Variants in CTNNA2 observed in about 807,000 individuals in gnomAD.
The protein encoded by CTNNA2 is catenin alpha-2.
CTNNA2 carries 42 observed loss-of-function variants against 101.0 expected under a neutral mutation model. The observed-to-expected ratio is 0.42, with a 90% CI of 0.32 to 0.54. CTNNA2 has a LOEUF of 0.54. CTNNA2 is among the 20% of genes least tolerant of loss of function. The pLI is 0.14. For synonymous variants in CTNNA2, 450 were observed against 456.4 expected (o/e 0.99, Z 0.18); for missense variants, 871 against 1,223.1 (o/e 0.71, Z 4.29).
chr2:79,773,405 T>G (rs1673731702), intron 3 of CTNNA2, among the ~76,000 whole-genome samples: 2 of 152,122 alleles, frequency 1.3e-5, no homozygotes, highest in Admixed American at 6.5e-5. Flanking sequence ...ACCTGAGACA[T>G]CAATCAATAT....
intron 9 of CTNNA2, among the ~76,000 whole-genome samples, chr2:80,451,329 T>C (rs1055548448): frequency 6.6e-6 from 1 of 152,114 alleles, no homozygotes; most frequent in East Asian, 1.9e-4. Flanking sequence ...TATAAGGAGC[T>C]TTTCCCCCTT....
At chr2:80,173,126 A>C (rs930740851) in intron 7 of CTNNA2, among the ~76,000 whole-genome samples, 7 of 152,236 alleles carry the variant, frequency 4.6e-5, no homozygotes, top group African/African-American at 1.7e-4. Context: ...TCTTCAAAAA[A>C]TAATGTGCCA....
chr2:80,349,845 C>G (rs545567046), intron 7 of CTNNA2, among the ~76,000 whole-genome samples: 1 of 152,176 alleles, frequency 6.6e-6, no homozygotes, highest in South Asian at 2.1e-4. Flanking sequence ...CTTCTCCCAT[C>G]TTTTCACCTT....
At chr2:80,488,215 A>G (rs1208203719) in intron 9 of CTNNA2, among the ~76,000 whole-genome samples, 1 of 152,228 alleles carries the variant, frequency 6.6e-6, no homozygotes, top group Non-Finnish European at 1.5e-5. Flanking sequence ...GATACAGCGC[A>G]GGATTATAAA....
chr2:79,206,173 G>T (rs1295814992), intron 2 of CTNNA2, among the ~76,000 whole-genome samples: 1 of 151,838 alleles, frequency 6.6e-6, no homozygotes, highest in Non-Finnish European at 1.5e-5. Context: ...TTAAGAATTG[G>T]ATTCCTCACC....
intron 1 of CTNNA2, among the ~76,000 whole-genome samples, chr2:79,635,820 A>G (rs1381217233): frequency 2.0e-5 from 3 of 151,710 alleles, no homozygotes; most frequent in African/African-American, 4.8e-5. Flanking sequence ...TAATAGTTCT[A>G]TTCATTGACA....
intron 7 of CTNNA2, among the ~76,000 whole-genome samples, chr2:80,392,848 A>T (rs898664681): frequency 1.3e-5 from 2 of 152,214 alleles, no homozygotes; most frequent in Non-Finnish European, 2.9e-5. Context: ...TTCTATTCAG[A>T]AATGTGCCTA....
At chr2:80,137,775 A>G (rs1702776902) in intron 7 of CTNNA2, among the ~76,000 whole-genome samples, 1 of 151,590 alleles carries the variant, frequency 6.6e-6, no homozygotes, top group Admixed American at 6.6e-5. Flanking sequence ...CAGATAAACT[A>G]GGGCATTTCT....
chr2:80,610,538 G>A (rs1249624996), intron 17 of CTNNA2, among the ~76,000 whole-genome samples: 1 of 151,516 alleles, frequency 6.6e-6, no homozygotes, highest in Non-Finnish European at 1.5e-5. Context: ...TTATACACAT[G>A]GGATTCAAAG....
chr2:80,526,595 A>C (rs1443919413), intron 9 of CTNNA2, among the ~76,000 whole-genome samples: 2 of 152,122 alleles, frequency 1.3e-5, no homozygotes, highest in Admixed American at 1.3e-4. Context: ...AGCCTCCCAA[A>C]GTGCTGGGAT....
At chr2:79,344,475 A>T (rs11886884) in intron 3 of CTNNA2, among the ~76,000 whole-genome samples, 1 of 151,990 alleles carries the variant, frequency 6.6e-6, no homozygotes, top group African/African-American at 2.4e-5. Flanking sequence ...AAAGTTTCAC[A>T]TAATAGGTCT....
intron 7 of CTNNA2, among the ~76,000 whole-genome samples, chr2:80,135,427 T>G (rs1349863184): frequency 6.6e-6 from 1 of 152,164 alleles, no homozygotes; most frequent in East Asian, 1.9e-4. Flanking sequence ...AGTTTTGAGG[T>G]GGGTAGACCA....
In CTNNA2 at chr2:80,085,966, A is replaced by C. The variant is rs1699416123; in HGVS notation, c.1056+176169A>C. 3.3e-5 allele frequency among the ~76,000 whole-genome samples: 5 copies of C among 152,096 alleles called. No individual in the cohort carries two copies. In the South Asian group the frequency reaches 1.0e-3, roughly 31 times the overall value. On this transcript the variant is annotated intron_variant, in intron 7 of 18. Transcript: ENST00000402739. ...TATGCCTACGGTTAAACTTAGCAAG[A>C]AAGTATAGCTCTGTATTTAGATGTT... is the stretch of plus-strand genomic sequence containing the variant.
At position 79,869,854 on chromosome 2, in the gene CTNNA2, T is replaced by G; in HGVS notation, c.504T>G (p.Asn168Lys). ...EALEAVKNAT[N>K]EQDLANRFKE... ...TGGAAGCTGTCAAAAATGCTACAAA[T>G]GAGCAAGACCTTGCAAACCGTTTTA... Residue 168 changes from asparagine to lysine, a missense_variant, in exon 5 of 19, where the codon AAT becomes AAG. Physicochemically the swap from Asn to Lys is moderately conservative, Grantham distance 94. Transcript: ENST00000402739. 2 of 1,614,024 alleles carry G rather than the reference T, an allele frequency of 1.2e-6. No homozygotes were observed. Among genetic ancestry groups the G allele is most frequent in the Non-Finnish European group, 1.7e-6 (2 of 1,179,996 alleles).
chr2:80,262,115 C>G (rs1573539460), intron 7 of CTNNA2, among the ~76,000 whole-genome samples: 1 of 152,070 alleles, frequency 6.6e-6, no homozygotes, highest in South Asian at 2.1e-4. Context: ...TTAAGTCACA[C>G]AAGATCCTAC....
At chr2:79,911,895 TTC>T (rs1685825338) in intron 7 of CTNNA2, among the ~76,000 whole-genome samples, 1 of 152,204 alleles carries the variant, frequency 6.6e-6, no homozygotes, top group Non-Finnish European at 1.5e-5. Context: ...GTGCACTCAT[TTC>T]TCCTGCTGCA....
intron 1 of CTNNA2, among the ~76,000 whole-genome samples, chr2:79,592,573 G>A (rs1323960099): frequency 1.3e-5 from 2 of 151,804 alleles, no homozygotes; most frequent in Non-Finnish European, 2.9e-5. Flanking sequence ...TATCTTCTCC[G>A]CATTCAGCAT....
intron 4 of CTNNA2, among the ~76,000 whole-genome samples, chr2:79,859,218 G>A (rs1051314172): frequency 6.6e-6 from 1 of 152,032 alleles, no homozygotes; most frequent in Non-Finnish European, 1.5e-5. Context: ...GGATTATCAT[G>A]TTTCCTATCA....
chr2:80,137,228 G>T (rs1005298750), intron 7 of CTNNA2, among the ~76,000 whole-genome samples: 1 of 152,154 alleles, frequency 6.6e-6, no homozygotes, highest in African/African-American at 2.4e-5. Flanking sequence ...AGGTGGTAAA[G>T]GAGGGTTTAT....
Sources: gnomAD v4.1 joint callset for allele counts (sites outside exome capture counted in the v4.1 genomes callset) on GRCh38, gnomAD v4.1.1 for gene constraint, MANE v1.5 for transcripts, NCBI Gene and HGNC (gene_info 2026-07-23, HGNC 2026-07-21) for gene names.